The following ADD2 variants were observed in gnomAD, a reference collection of about 807,000 sequenced individuals.
The protein encoded by ADD2 is beta-adducin.
ADD2 carries 23 observed loss-of-function variants against 83.0 expected under a neutral mutation model. The observed-to-expected ratio is 0.28, with a 90% CI of 0.20 to 0.39. The LOEUF is 0.39. Ranked by LOEUF, ADD2 falls within the 10% of genes least tolerant of loss-of-function variation. The pLI is 1.00. For synonymous variants in ADD2, 375 were observed against 375.4 expected (o/e 1.00, Z 0.01); for missense variants, 758 against 944.9 (o/e 0.80, Z 2.59).
chr2:70,663,577 C>A lies in ADD2; in HGVS notation c.2029G>T (p.Val677Phe). ...SQMTTSADTD[V>F]DTSKDKTESV... The stretch of plus-strand genomic sequence containing the variant: ...TCGGTTTTGTCCTTAGAGGTATCAA[C>A]ATCCGTGTCAGCACTGGTGGTCATC... Residue 677 changes from valine (V) to phenylalanine (F), a missense_variant, in exon 16 of 16, where the codon GTT becomes TTT. Val to Phe is a conservative substitution (Grantham distance 50). Coordinates refer to ENST00000264436, the MANE Select transcript of ADD2 (RefSeq NM_001617.4). 6.2e-7 allele frequency: 1 copy of A among 1,614,152 alleles called. No homozygotes were observed. Among genetic ancestry groups the A allele is most frequent in the Non-Finnish European group, 8.5e-7 (1 of 1,180,036 alleles).
chr2:70,706,757 A>G lies in ADD2; in HGVS notation c.-34-315T>C, dbSNP rs1671928302. Among the ~76,000 whole-genome samples, 1 of 152,220 alleles carries G rather than the reference A, an allele frequency of 6.6e-6. No individual in the cohort carries two copies. Among genetic ancestry groups the G allele is most frequent in the Non-Finnish European group, 1.5e-5 (1 of 68,032 alleles). ...TTCCCCGAATGGAAACATGACCTGC[A>G]GACCTTGTTGAGCATTTCTGTGATG... On this transcript the variant is annotated intron_variant, in intron 2 of 15. Coordinates refer to ENST00000264436, the MANE Select transcript of ADD2 (RefSeq NM_001617.4). This position sits in a 1 kb window ranked among gnomAD's most constrained non-coding sequence, Gnocchi z 5.0.
chr2:70,755,813 C>T (rs569640923), intron 1 of ADD2, among the ~76,000 whole-genome samples: 5 of 152,200 alleles, frequency 3.3e-5, no homozygotes. Context: ...GTAATCCCAG[C>T]ACTTTGGGAG....
intron 15 of ADD2, among the ~76,000 whole-genome samples, chr2:70,665,762 C>G (rs1675761499): frequency 6.6e-6 from 1 of 152,010 alleles, no homozygotes; most frequent in Non-Finnish European, 1.5e-5. Context: ...TCCTTTCTGC[C>G]TCTGCTATCT....
chr2:70,683,060 T>A (rs572993472), intron 10 of ADD2, among the ~76,000 whole-genome samples: 3 of 148,074 alleles, frequency 2.0e-5, no homozygotes, highest in Non-Finnish European at 4.5e-5. Flanking sequence ...TCTCACTCTG[T>A]CACCCAGACT....
At chr2:70,705,113 C>A (rs969312753) in intron 3 of ADD2, among the ~76,000 whole-genome samples, 1 of 152,172 alleles carries the variant, frequency 6.6e-6, no homozygotes. Flanking sequence ...CTATTTACTG[C>A]CTGAGCCCTG....
chr2:70,676,710 C>T lies in ADD2; in HGVS notation c.1593+86G>A. The T allele has an allele frequency of 6.3e-7, 1 of 1,585,678 alleles. No individual in the cohort carries two copies. The highest frequency in any genetic ancestry group is 1.1e-5 in the South Asian group (1 of 88,064). ...ACAGGGGAAGGTGGGTATGAGGACT[C>T]AGGGGTCCTGCAACCCAGCCCCAGG... On this transcript the variant is annotated intron_variant, in intron 13 of 15. Coordinates refer to ENST00000264436, the MANE Select transcript of ADD2 (RefSeq NM_001617.4). The surrounding 1 kb of genome is among the most constrained non-coding windows in gnomAD (Gnocchi z 4.8).
At chr2:70,765,863 G>A (rs1675354863) in intron 1 of ADD2, among the ~76,000 whole-genome samples, 1 of 152,080 alleles carries the variant, frequency 6.6e-6, no homozygotes, top group South Asian at 2.1e-4. Flanking sequence ...AGGCTGCCTT[G>A]CCATATTTAT....
In ADD2 at chr2:70,690,918, C is replaced by T. The variant is rs782070720; in HGVS notation, c.717G>A (p.Met239Ile). The T allele has an allele frequency of 6.2e-6, 10 of 1,612,202 alleles. No individual in the cohort carries two copies. The highest frequency in any genetic ancestry group is 2.7e-5 in the African/African-American group (2 of 74,894). ...GGGAGACAGGCAGGAGGCCCCACTT[C>T]ATGGCCGACACCTTAGAGAGACAAT... ...HTPATAAVSA[M>I]KWGLLPVSHN... The change falls in exon 8 of 16, where the codon ATG (methionine) becomes ATA (isoleucine). Residue 239 changes from methionine to isoleucine, a missense_variant. Met to Ile is a conservative substitution (Grantham distance 10, BLOSUM62 1). Transcript: ENST00000264436.
At chr2:70,683,855 G>A in intron 9 of ADD2, 88 bp from the exon 10 acceptor site, 1 of 1,406,972 alleles carries the variant, frequency 7.1e-7, no homozygotes, top group Non-Finnish European at 9.4e-7. Flanking sequence ...AGAGAATGGG[G>A]AGTCCAGAGG....
intron 1 of ADD2, among the ~76,000 whole-genome samples, chr2:70,726,186 C>CAAAAA (rs34333514): frequency 0.049 from 2,217 of 45,430 alleles, 293 homozygotes; most frequent in Non-Finnish European, 0.071. Context: ...GACTCCATCT[C>CAAAAA]AAAAAAAAAA....
chr2:70,723,025 G>A (rs1270575286), intron 1 of ADD2, among the ~76,000 whole-genome samples: 1 of 152,178 alleles, frequency 6.6e-6, no homozygotes, highest in African/African-American at 2.4e-5. Flanking sequence ...AAACTATGGT[G>A]GGGAGGAGGT....
chr2:70,734,818 T>C (rs980361817), intron 1 of ADD2, among the ~76,000 whole-genome samples: 7 of 152,216 alleles, frequency 4.6e-5, no homozygotes, highest in African/African-American at 1.4e-4. Flanking sequence ...ACCATCTAGC[T>C]TGCATTGCAC....
At position 70,657,021 on chromosome 2, in the gene ADD2, A is replaced by ATATG; in HGVS notation, c.*6403_*6404insCATA. The stretch of plus-strand genomic sequence containing the variant: ...CCAACCCATAAATATATATATATAT[A>ATATG]TAATATGTGTATATATATAAAATTG... On this transcript the variant is annotated 3_prime_UTR_variant, in exon 16 of 16. Transcript: ENST00000264436. 6.6e-6 allele frequency: 1 copy of ATATG among 150,922 alleles called. No individual in the cohort carries two copies. The highest frequency in any genetic ancestry group is 1.5e-5 in the Non-Finnish European group (1 of 67,774). 9.3% of individuals were successfully genotyped at this position (150,922 alleles called of 1,614,324 possible).
intron 2 of ADD2, among the ~76,000 whole-genome samples, chr2:70,708,413 A>G (rs563857021): frequency 6.6e-5 from 10 of 152,202 alleles, no homozygotes; most frequent in Non-Finnish European, 1.5e-4. Flanking sequence ...CTGAGGTATG[A>G]CCTGGACATC....
chr2:70,740,928 G>A (rs1449030433), intron 1 of ADD2, among the ~76,000 whole-genome samples: 3 of 152,160 alleles, frequency 2.0e-5, no homozygotes, highest in African/African-American at 7.2e-5. Flanking sequence ...TCAAACTCCT[G>A]GCCTCAAGTG....
chr2:70,708,305 C>A (rs1672007529), intron 2 of ADD2, among the ~76,000 whole-genome samples: 1 of 152,156 alleles, frequency 6.6e-6, no homozygotes, highest in African/African-American at 2.4e-5. Flanking sequence ...ATGGCCTGAG[C>A]CCTCAGCCTA....
chr2:70,745,005 G>A (rs1553381729), intron 1 of ADD2, among the ~76,000 whole-genome samples: 2 of 152,066 alleles, frequency 1.3e-5, no homozygotes, highest in Admixed American at 6.5e-5. Context: ...CAAGGTGAAC[G>A]GCCGGGCACG....
chr2:70,675,541 C>A lies in ADD2; in HGVS notation c.1594-716G>T, dbSNP rs956689783. The A allele has an allele frequency of 3.6e-5, 35 of 985,444 alleles. 1 individual carries two copies. The highest frequency in any genetic ancestry group is 5.2e-4 in the Middle Eastern group (1 of 1,914). 61.0% of individuals were successfully genotyped at this position (985,444 alleles called of 1,614,324 possible). A position where few individuals can be genotyped will look rare whatever the true frequency, so the allele number is the denominator to read the frequency against. ...TCAGGAATTCTTTGACCCCTCTAGC[C>A]CAAGATAGGAACTAAAATTCAGACT... On this transcript the variant is annotated intron_variant, in intron 13 of 15. Coordinates refer to ENST00000264436, the MANE Select transcript of ADD2 (RefSeq NM_001617.4).
intron 15 of ADD2, 50 bp from the exon 16 acceptor site, chr2:70,663,785 G>A (rs782594553): frequency 1.3e-6 from 2 of 1,551,202 alleles, no homozygotes; most frequent in Non-Finnish European, 8.7e-7. Context: ...TCAGGTGACA[G>A]CTTCCACCTG....
Sources: allele counts gnomAD v4.1 joint callset (sites outside exome capture counted in the v4.1 genomes callset), GRCh38; gene constraint gnomAD v4.1.1; non-coding constraint Gnocchi (gnomAD v3.1); transcripts MANE v1.5; gene names NCBI Gene and HGNC (gene_info 2026-07-23, HGNC 2026-07-21).